The following ERGIC1 variants were observed in gnomAD, a reference collection of about 807,000 sequenced individuals.
ERGIC1 encodes endoplasmic reticulum-Golgi intermediate compartment protein 1.
Under a neutral mutation model 38.3 loss-of-function variants are expected in ERGIC1, and 19 were observed. The ratio of observed to expected loss-of-function variants is 0.50; its 90% CI spans 0.35 to 0.73. The LOEUF (loss-of-function observed/expected upper bound fraction) is 0.73, where lower values mean the gene tolerates loss of function less well. Ranked by LOEUF, ERGIC1 falls within the 30% of genes least tolerant of loss-of-function variation. ERGIC1 has a pLI of 0.01. For synonymous variants in ERGIC1, 124 were observed against 157.6 expected (o/e 0.79, Z 1.60); for missense variants, 294 against 389.2 (o/e 0.76, Z 2.06).
At chr5:172,910,540 TTGAGACGGAG>T (rs1311193272) in intron 4 of ERGIC1, among the ~76,000 whole-genome samples, 1 of 125,560 alleles carries the variant, frequency 8.0e-6, no homozygotes. Context: ...TTTTTTTTTT[TTGAGACGGAG>T]TTTCACTCCT....
intron 1 of ERGIC1, among the ~76,000 whole-genome samples, chr5:172,866,004 G>A (rs1443792056): frequency 1.3e-5 from 2 of 152,066 alleles, no homozygotes; most frequent in African/African-American, 2.4e-5. Context: ...CCTAAATGTG[G>A]TATTTATCCT....
intron 5 of ERGIC1, among the ~76,000 whole-genome samples, chr5:172,918,899 C>T (rs1422240663): frequency 6.6e-6 from 1 of 152,162 alleles, no homozygotes; most frequent in African/African-American, 2.4e-5. Context: ...CAGGGGAAGT[C>T]CTCCCTCCCC....
rs78619293 is a variant in ERGIC1, at chr5:172,923,419, A to C, written c.376-586A>C. Among the ~76,000 whole-genome samples the C allele has an allele frequency of 3.3e-3, 503 of 152,202 alleles. 21 individuals carry two copies. The East Asian group carries it at 0.081, about 25-fold the overall frequency. On this transcript the variant is annotated intron_variant, in intron 5 of 9. Coordinates refer to ENST00000393784, the MANE Select transcript of ERGIC1 (RefSeq NM_001031711.3). ...TCGTGCTGAAACAAGGAGAAGCTGCAGTGGCTCCTGCCACATGGTTGTCAC... is the reference window on the plus strand; with the variant it reads ...TCGTGCTGAAACAAGGAGAAGCTGCCGTGGCTCCTGCCACATGGTTGTCAC...
intron 9 of ERGIC1, among the ~76,000 whole-genome samples, chr5:172,949,660 G>GA (rs1013944326): frequency 2.0e-5 from 3 of 151,778 alleles, no homozygotes; most frequent in African/African-American, 7.3e-5. Flanking sequence ...CGTGGCGGGG[G>GA]GGGGTATGAT....
At chr5:172,883,875 C>T (rs1008150510) in intron 1 of ERGIC1, among the ~76,000 whole-genome samples, 2 of 152,098 alleles carry the variant, frequency 1.3e-5, no homozygotes, top group Admixed American at 6.5e-5. Flanking sequence ...CCCAGCTACT[C>T]GGGAGGCTGA....
chr5:172,916,071 TAGAG>T (rs1341159443), intron 5 of ERGIC1: 1 of 172,072 alleles, frequency 5.8e-6, no homozygotes, highest in Non-Finnish European at 1.3e-5. Flanking sequence ...TGTTCCCCTT[TAGAG>T]AGGGTGTGTG....
chr5:172,925,615 C>G (rs574524581), intron 6 of ERGIC1, among the ~76,000 whole-genome samples: 29 of 152,282 alleles, frequency 1.9e-4, no homozygotes, highest in African/African-American at 6.7e-4. Flanking sequence ...CTCCTTCCTT[C>G]TATTCAAACA....
chr5:172,875,148 A>G (rs1223795675), intron 1 of ERGIC1, among the ~76,000 whole-genome samples: 3 of 152,150 alleles, frequency 2.0e-5, no homozygotes, highest in African/African-American at 7.2e-5. Flanking sequence ...TGCTATCTAT[A>G]AGGGTGCTTT....
intron 3 of ERGIC1, among the ~76,000 whole-genome samples, chr5:172,907,651 AC>A (rs1023325874): frequency 3.3e-5 from 5 of 151,640 alleles, no homozygotes; most frequent in Admixed American, 3.3e-4. Flanking sequence ...GCCCTCCCCA[AC>A]CTCCAGGCCT....
At chr5:172,851,822 G>A (rs1761416749) in intron 1 of ERGIC1, among the ~76,000 whole-genome samples, 1 of 152,056 alleles carries the variant, frequency 6.6e-6, no homozygotes, top group Non-Finnish European at 1.5e-5. Flanking sequence ...CAGCTCCTTG[G>A]GCCAGTCACT....
intron 7 of ERGIC1, among the ~76,000 whole-genome samples, chr5:172,928,057 A>G (rs187477887): frequency 2.6e-4 from 39 of 152,212 alleles, no homozygotes; most frequent in African/African-American, 8.7e-4. Flanking sequence ...GAGGTAGATG[A>G]TTCTTGGTGT....
intron 8 of ERGIC1, 27 bp downstream of exon 8, chr5:172,932,563 T>C: frequency 1.2e-6 from 2 of 1,608,112 alleles, no homozygotes; most frequent in East Asian, 2.2e-5. Flanking sequence ...TGGGCCGAGC[T>C]GTGTGCGGCG....
rs78043949 is a variant in ERGIC1, at chr5:172,921,871, T to G, written c.376-2134T>G. Among the ~76,000 whole-genome samples the G allele has an allele frequency of 3.8e-3, 576 of 152,348 alleles. 7 individuals carry two copies. The highest frequency in any genetic ancestry group is 0.013 in the African/African-American group (552 of 41,588). ...CGCTCTCTTCCTGAGTAATGCAGAC[T>G]CATCTTCAGAGCCTTAACACAGGAT... On this transcript the variant is annotated intron_variant, in intron 5 of 9. Transcript: ENST00000393784.
intron 1 of ERGIC1, among the ~76,000 whole-genome samples, chr5:172,864,268 C>CTTTTTTTTT (rs60390189): frequency 1.4e-5 from 1 of 71,160 alleles, no homozygotes; most frequent in African/African-American, 5.0e-5. Context: ...ATTTTGTAGT[C>CTTTTTTTTT]TTTTTTTTTT....
intron 4 of ERGIC1, among the ~76,000 whole-genome samples, chr5:172,910,755 C>T (rs1763185869): frequency 6.6e-6 from 1 of 152,044 alleles, no homozygotes; most frequent in South Asian, 2.1e-4. Flanking sequence ...GAACTCCTGA[C>T]CTCAGGTGAT....
Position 172,893,895 on chromosome 5 carries a change from A to ATGTG in ERGIC1, c.83-3106_83-3105insGTGT, listed in dbSNP as rs1419709086. Among the ~76,000 whole-genome samples, 113 of 17,846 alleles carry ATGTG rather than the reference A, an allele frequency of 6.3e-3. 1 individual carries two copies. Among genetic ancestry groups the ATGTG allele is most frequent in the African/African-American group, 0.011 (105 of 9,772 alleles). The allele number at this position is 17,846 out of a possible 152,430, so 11.7% of individuals were successfully genotyped here. On this transcript the variant is annotated intron_variant, in intron 2 of 9. Coordinates refer to ENST00000393784, the MANE Select transcript of ERGIC1 (RefSeq NM_001031711.3). ...TATATATATATATATATATATATAT[A>ATGTG]TATATATATATGTGTGTGTGTGTGT...
chr5:172,931,671 A>T (rs1451112802), intron 7 of ERGIC1, among the ~76,000 whole-genome samples: 3 of 152,116 alleles, frequency 2.0e-5, no homozygotes, highest in African/African-American at 7.2e-5. Context: ...TCTTTCTCAA[A>T]TCCTGCCTTC....
At position 172,834,852 on chromosome 5, in the gene ERGIC1, G is replaced by T. The variant is rs1302558045; in HGVS notation, c.20+419G>T. On this transcript the variant is annotated intron_variant, in intron 1 of 9. Transcript: ENST00000393784. The surrounding 1 kb of genome is among the most constrained non-coding windows in gnomAD (Gnocchi z 4.1). ...GGGGCAGGGCACCTGGAATGAGTCCGGAGGGGCCTGGGGCCCCATGCAGCC... is the reference window on the plus strand; with the variant it reads ...GGGGCAGGGCACCTGGAATGAGTCCTGAGGGGCCTGGGGCCCCATGCAGCC... 2.0e-5 allele frequency among the ~76,000 whole-genome samples: 3 copies of T among 152,202 alleles called. No homozygotes were observed. The highest frequency in any genetic ancestry group is 2.9e-5 in the Non-Finnish European group (2 of 68,028).
intron 3 of ERGIC1, among the ~76,000 whole-genome samples, chr5:172,903,891 C>CT (rs887605392): frequency 3.9e-5 from 6 of 152,006 alleles, no homozygotes; most frequent in Non-Finnish European, 7.4e-5. Context: ...GTAGCCTAGG[C>CT]TTCCCCTGCA....
Sources: gnomAD v4.1 joint callset for allele counts (sites outside exome capture counted in the v4.1 genomes callset) on GRCh38, gnomAD v4.1.1 for gene constraint, Gnocchi (gnomAD v3.1) non-coding constraint, MANE v1.5 for transcripts, NCBI Gene and HGNC (gene_info 2026-07-23, HGNC 2026-07-21) for gene names.